The following ZBTB20 variants were observed in gnomAD, a reference collection of about 807,000 sequenced individuals.
ZBTB20 encodes the protein zinc finger and BTB domain containing 20.
In ZBTB20, 9 loss-of-function variants were observed where a neutral mutation model predicts 56.9. The observed-to-expected ratio is 0.16, with a 90% confidence interval of 0.10 to 0.28. The LOEUF (loss-of-function observed/expected upper bound fraction) is 0.28. ZBTB20 is among the 10% of genes least tolerant of loss of function. The pLI is 1.00. For missense variants in ZBTB20, 655 were observed against 1,003.0 expected, an observed-to-expected ratio of 0.65 and a Z score of 4.69; for synonymous variants, 417 against 420.7, an observed-to-expected ratio of 0.99 and a Z score of 0.11.
At chr3:114,606,105 G>T (rs2057128352) in intron 6 of ZBTB20, among the ~76,000 whole-genome samples, 1 of 152,186 alleles carries the variant, frequency 6.6e-6, no homozygotes, top group Non-Finnish European at 1.5e-5. Context: ...AATGGTTAAA[G>T]AGCTAGGGGA....
chr3:114,609,091 G>C (rs1295740910), intron 6 of ZBTB20, among the ~76,000 whole-genome samples: 1 of 152,138 alleles, frequency 6.6e-6, no homozygotes, highest in Non-Finnish European at 1.5e-5. Flanking sequence ...AATTTGGTCT[G>C]AGACAAAACT....
rs1283144105 is a variant in ZBTB20 at position 114,321,807 on chromosome 3, A to C, written c.*17198T>G. On this transcript the variant is annotated 3_prime_UTR_variant, in exon 12 of 12. Coordinates refer to ENST00000675478, the MANE Select transcript of ZBTB20 (RefSeq NM_001348800.3). Reference sequence around the variant, plus strand: ...TAGAATCTAGTGCAAATATCATCAAATCACAGCATTCCAGAGCAATATCCT... The same window carrying C: ...TAGAATCTAGTGCAAATATCATCAACTCACAGCATTCCAGAGCAATATCCT... 1 of 152,244 alleles carries C rather than the reference A, an allele frequency of 6.6e-6. No homozygotes were observed. Among genetic ancestry groups the C allele is most frequent in the Non-Finnish European group, 1.5e-5 (1 of 68,050 alleles). 9.4% of individuals were successfully genotyped at this position (152,244 alleles called of 1,614,324 possible). A position where few individuals can be genotyped will look rare whatever the true frequency, so the allele number is the denominator to read the frequency against.
intron 1 of ZBTB20, among the ~76,000 whole-genome samples, chr3:115,123,121 A>C (rs1576811566): frequency 6.6e-6 from 1 of 152,170 alleles, no homozygotes; most frequent in Non-Finnish European, 1.5e-5. Flanking sequence ...AGCTCAGTGA[A>C]GATTCTTCTA....
intron 6 of ZBTB20, among the ~76,000 whole-genome samples, chr3:114,510,264 G>C (rs1238552530): frequency 6.6e-6 from 1 of 152,116 alleles, no homozygotes; most frequent in Non-Finnish European, 1.5e-5. Context: ...GGCCTGAGCC[G>C]ACACTTCAAG....
At chr3:114,590,549 A>G (rs978235229) in intron 6 of ZBTB20, among the ~76,000 whole-genome samples, 1 of 151,122 alleles carries the variant, frequency 6.6e-6, no homozygotes, top group Non-Finnish European at 1.5e-5. Context: ...AAAAATAAAT[A>G]AATAAATAAA....
chr3:114,581,794 A>G (rs2054655969), intron 6 of ZBTB20, among the ~76,000 whole-genome samples: 1 of 152,178 alleles, frequency 6.6e-6, no homozygotes, highest in African/African-American at 2.4e-5. Context: ...CATGTGGAGA[A>G]GCTCTCATAG....
At chr3:114,486,822 T>C (rs1365759150) in intron 7 of ZBTB20, among the ~76,000 whole-genome samples, 1 of 152,192 alleles carries the variant, frequency 6.6e-6, no homozygotes, top group Non-Finnish European at 1.5e-5. Flanking sequence ...TTTTAGCCTA[T>C]CGAAGTGTGA....
chr3:114,472,893 G>T (rs1036720600), intron 7 of ZBTB20, among the ~76,000 whole-genome samples: 4 of 152,152 alleles, frequency 2.6e-5, no homozygotes, highest in South Asian at 2.1e-4. Flanking sequence ...ACCAAAGAGG[G>T]TATGTTAAAG....
At chr3:115,057,502 A>G (rs2081849368) in intron 2 of ZBTB20, among the ~76,000 whole-genome samples, 1 of 152,186 alleles carries the variant, frequency 6.6e-6, no homozygotes, top group Non-Finnish European at 1.5e-5. Flanking sequence ...TATGTAATTT[A>G]TGTCAAACAT....
chr3:114,652,986 G>A (rs2060211548), intron 6 of ZBTB20, among the ~76,000 whole-genome samples: 1 of 151,732 alleles, frequency 6.6e-6, no homozygotes, highest in South Asian at 2.1e-4. Context: ...TTTGTATATT[G>A]ATCTTGTGAC....
Position 114,490,632 on chromosome 3 carries a change from T to C in ZBTB20, c.-255+9720A>G, listed in dbSNP as rs1013043495. Among the ~76,000 whole-genome samples the C allele has an allele frequency of 1.3e-4, 20 of 152,176 alleles. 1 individual carries two copies. The highest frequency in any genetic ancestry group is 2.9e-5 in the Non-Finnish European group (2 of 68,032). ...TAAATAAATAGCTTTTCTGTAGTGT[T>C]AGATGCCAGCTCTTAACATTTAGAG... On this transcript the variant is annotated intron_variant, in intron 7 of 11. Transcript: ENST00000675478.
chr3:115,103,380 T>C (rs1380230109), intron 1 of ZBTB20, among the ~76,000 whole-genome samples: 3 of 152,132 alleles, frequency 2.0e-5, no homozygotes, highest in Admixed American at 6.6e-5. Context: ...GGCAAAAGAC[T>C]GAAAATAACC....
At chr3:114,383,073 T>C (rs1392016348) in intron 8 of ZBTB20, among the ~76,000 whole-genome samples, 3 of 152,228 alleles carry the variant, frequency 2.0e-5, no homozygotes, top group African/African-American at 7.2e-5. Flanking sequence ...TGAATCCCAA[T>C]TAAGTTTCCT....
intron 2 of ZBTB20, among the ~76,000 whole-genome samples, chr3:115,003,961 G>A (rs961593999): frequency 1.3e-5 from 2 of 151,558 alleles, no homozygotes; most frequent in East Asian, 3.9e-4. Context: ...AGAACAAAAG[G>A]ATTCAGGTTA....
At chr3:114,619,259 T>G (rs1376374597) in intron 6 of ZBTB20, among the ~76,000 whole-genome samples, 1 of 152,214 alleles carries the variant, frequency 6.6e-6, no homozygotes, top group Non-Finnish European at 1.5e-5. Flanking sequence ...TGTTCAAGGG[T>G]TAATTATCCA....
intron 2 of ZBTB20, among the ~76,000 whole-genome samples, chr3:115,003,279 T>C (rs922664431): frequency 6.6e-6 from 1 of 151,566 alleles, no homozygotes; most frequent in Non-Finnish European, 1.5e-5. Flanking sequence ...TGAACCCTAA[T>C]GTACTATAGT....
intron 3 of ZBTB20, among the ~76,000 whole-genome samples, chr3:114,970,959 G>T (rs2077855704): frequency 6.6e-6 from 1 of 151,442 alleles, no homozygotes; most frequent in Non-Finnish European, 1.5e-5. Flanking sequence ...AGCTTGCAGT[G>T]AGCCCAGATC....
At chr3:114,984,581 A>G (rs959833919) in intron 2 of ZBTB20, among the ~76,000 whole-genome samples, 6 of 151,968 alleles carry the variant, frequency 3.9e-5, no homozygotes, top group Admixed American at 6.6e-5. Context: ...AATTTCTCCC[A>G]AACTTTCACT....
intron 7 of ZBTB20, among the ~76,000 whole-genome samples, chr3:114,480,797 G>A (rs1176083320): frequency 6.6e-6 from 1 of 151,700 alleles, no homozygotes; most frequent in Non-Finnish European, 1.5e-5. Context: ...CAAAGAGGAT[G>A]GTAAGTCATC....
Sources: gnomAD v4.1 joint callset for allele counts (sites outside exome capture counted in the v4.1 genomes callset) on GRCh38, gnomAD v4.1.1 for gene constraint, MANE v1.5 for transcripts, NCBI Gene and HGNC (gene_info 2026-07-23, HGNC 2026-07-21) for gene names.